The following ULK4 variants were observed in gnomAD, a reference collection of about 807,000 sequenced individuals.
ULK4 encodes unc-51 like kinase 4, also known as inactive serine/threonine-protein kinase ULK4.
A neutral mutation model predicts 160.6 loss-of-function variants in ULK4; 133 were observed. The observed-to-expected ratio is 0.83, with a 90% CI of 0.72 to 0.96. The LOEUF (loss-of-function observed/expected upper bound fraction) is 0.96, where lower values mean the gene tolerates loss of function less well. Among genes scored for constraint, ULK4 ranks in the 40% least tolerant of loss-of-function variants. The probability of loss-of-function intolerance (pLI) is 0.00; values close to 1 mark genes in which losing one functional copy is unlikely to be tolerated. For synonymous variants in ULK4, 534 were observed against 539.8 expected (o/e 0.99, Z 0.15); for missense variants, 1,580 against 1,499.5 (o/e 1.05, Z -0.89).
intron 35 of ULK4, among the ~76,000 whole-genome samples, chr3:41,382,100 C>A (rs1035871793): frequency 4.6e-5 from 7 of 152,154 alleles, no homozygotes; most frequent in Non-Finnish European, 7.3e-5. Context: ...CTAAAAGCTG[C>A]AAATAGCCTG....
At chr3:41,504,569 A>G (rs1304974799) in intron 32 of ULK4, among the ~76,000 whole-genome samples, 1 of 152,168 alleles carries the variant, frequency 6.6e-6, no homozygotes, top group African/African-American at 2.4e-5. Context: ...ACAAAGGGAG[A>G]AAAATCATTA....
At chr3:41,780,597 G>A (rs905301577) in intron 21 of ULK4, among the ~76,000 whole-genome samples, 3 of 152,046 alleles carry the variant, frequency 2.0e-5, no homozygotes, top group Non-Finnish European at 2.9e-5. Context: ...GCACAGCTCA[G>A]GTGCATTAAG....
chr3:41,356,628 TGC>T (rs2081034614), intron 35 of ULK4, among the ~76,000 whole-genome samples: 1 of 152,256 alleles, frequency 6.6e-6, no homozygotes, highest in Non-Finnish European at 1.5e-5. Flanking sequence ...ATTGCTGTAA[TGC>T]TTTGTTTTCT....
At chr3:41,517,010 C>A (rs1162004291) in intron 32 of ULK4, among the ~76,000 whole-genome samples, 1 of 151,952 alleles carries the variant, frequency 6.6e-6, no homozygotes, top group Non-Finnish European at 1.5e-5. Flanking sequence ...TACAAAGAAT[C>A]CTTAAAGCTC....
chr3:41,567,095 G>C (rs1340777218), intron 31 of ULK4, among the ~76,000 whole-genome samples: 1 of 152,118 alleles, frequency 6.6e-6, no homozygotes, highest in Non-Finnish European at 1.5e-5. Flanking sequence ...ATATTAATTA[G>C]TAGGCTTGAT....
chr3:41,791,714 T>C (rs2040156056), intron 20 of ULK4, among the ~76,000 whole-genome samples: 1 of 152,166 alleles, frequency 6.6e-6, no homozygotes, highest in South Asian at 2.1e-4. Context: ...GAAATAAACA[T>C]TTATGGGAGA....
intron 35 of ULK4, among the ~76,000 whole-genome samples, chr3:41,384,088 A>G (rs557117512): frequency 4.6e-5 from 7 of 152,294 alleles, no homozygotes; most frequent in African/African-American, 1.7e-4. Flanking sequence ...ACACCTGCAT[A>G]GTGGAGACAT....
At chr3:41,786,034 C>T (rs1267758328) in intron 21 of ULK4, among the ~76,000 whole-genome samples, 1 of 152,164 alleles carries the variant, frequency 6.6e-6, no homozygotes, top group Non-Finnish European at 1.5e-5. Context: ...GAGAGGCCTT[C>T]CCTGACTGTT....
chr3:41,613,290 G>A (rs988255670), intron 31 of ULK4, among the ~76,000 whole-genome samples: 3 of 151,886 alleles, frequency 2.0e-5, no homozygotes, highest in Non-Finnish European at 2.9e-5. Context: ...ACTATGACAC[G>A]GTTTCTTATT....
chr3:41,413,404 G>T (rs536122068), intron 34 of ULK4, among the ~76,000 whole-genome samples: 5 of 152,256 alleles, frequency 3.3e-5, no homozygotes, highest in Admixed American at 6.5e-5. Context: ...TTGGGGAAAG[G>T]TTTAATAGGC....
intron 21 of ULK4, among the ~76,000 whole-genome samples, chr3:41,776,530 T>G (rs1362147540): frequency 1.3e-5 from 2 of 150,944 alleles, no homozygotes; most frequent in African/African-American, 5.0e-5. Flanking sequence ...AGATGAACAT[T>G]TCTATAAACA....
intron 29 of ULK4, among the ~76,000 whole-genome samples, chr3:41,678,759 A>G (rs982102476): frequency 6.6e-6 from 1 of 152,234 alleles, no homozygotes; most frequent in East Asian, 1.9e-4. Flanking sequence ...GGCTGCATCA[A>G]AAGTATTGTT....
intron 5 of ULK4, among the ~76,000 whole-genome samples, chr3:41,920,275 G>A (rs1178766495): frequency 6.6e-6 from 1 of 152,152 alleles, no homozygotes; most frequent in Non-Finnish European, 1.5e-5. Context: ...CAGGGAGAAA[G>A]AATGTAGCTA....
At chr3:41,342,294 G>C (rs766162673) in intron 35 of ULK4, among the ~76,000 whole-genome samples, 15 of 152,298 alleles carry the variant, frequency 9.8e-5, no homozygotes, top group African/African-American at 1.9e-4. Flanking sequence ...AGAGGAAAAG[G>C]GCTGCCTGGA....
At chr3:41,850,724 G>C (rs1695907992) in intron 17 of ULK4, among the ~76,000 whole-genome samples, 1 of 152,134 alleles carries the variant, frequency 6.6e-6, no homozygotes, top group Non-Finnish European at 1.5e-5. Flanking sequence ...TGTCAGATGA[G>C]TAGGTTGCAA....
intron 32 of ULK4, among the ~76,000 whole-genome samples, chr3:41,530,404 AT>A (rs1461368889): frequency 6.6e-5 from 10 of 152,168 alleles, no homozygotes; most frequent in African/African-American, 2.4e-4. Context: ...CTGGGCCCTT[AT>A]GTCATGAAAG....
intron 21 of ULK4, among the ~76,000 whole-genome samples, chr3:41,773,383 C>T (rs1423645311): frequency 2.6e-5 from 4 of 152,200 alleles, no homozygotes; most frequent in African/African-American, 9.7e-5. Context: ...TCTCAGGATA[C>T]AAAATCAACG....
chr3:41,367,927 A>C (rs1021370454), intron 35 of ULK4, among the ~76,000 whole-genome samples: 11 of 152,164 alleles, frequency 7.2e-5, no homozygotes, highest in Non-Finnish European at 1.6e-4. Flanking sequence ...CCAAGAAAAC[A>C]ACCAAAATAT....
chr3:41,522,129 CTTTTTTTTT>C (rs57720185), intron 32 of ULK4, among the ~76,000 whole-genome samples: 1 of 135,956 alleles, frequency 7.4e-6, no homozygotes, highest in Non-Finnish European at 1.6e-5. Flanking sequence ...TCTTTTTTTT[CTTTTTTTTT>C]TTTTTTGAGA....
Sources: allele counts gnomAD v4.1 joint callset (sites outside exome capture counted in the v4.1 genomes callset), GRCh38; gene constraint gnomAD v4.1.1; transcripts MANE v1.5; gene names NCBI Gene and HGNC (gene_info 2026-07-23, HGNC 2026-07-21).